The following GDF1 variants were observed in gnomAD, a reference collection of about 807,000 sequenced individuals.
The protein encoded by GDF1 is growth differentiation factor 1.
GDF1 carries 8 observed loss-of-function variants against 7.4 expected under a neutral mutation model. That is an observed-to-expected ratio of 1.09 (90% CI 0.64 to 1.96). The LOEUF is 1.96. Among genes scored for constraint, GDF1 ranks in the 30% most tolerant of loss-of-function variants. The pLI is 0.00. For synonymous variants in GDF1, 311 were observed against 276.7 expected, an observed-to-expected ratio of 1.12 and a Z score of -1.23; for missense variants, 574 against 551.5, an observed-to-expected ratio of 1.04 and a Z score of -0.41.
chr19:18,870,378 G>C lies in GDF1; in HGVS notation c.-71C>G. 1 of 1,523,826 alleles carries C rather than the reference G, an allele frequency of 6.6e-7. No individual in the cohort carries two copies. The highest frequency in any genetic ancestry group is 8.8e-7 in the Non-Finnish European group (1 of 1,132,768). 94.4% of individuals were successfully genotyped at this position (1,523,826 alleles called of 1,614,324 possible). On this transcript the variant is annotated 5_prime_UTR_variant, in exon 7 of 8. Transcript: ENST00000247005. The surrounding 1 kb of genome is among the most constrained non-coding windows in gnomAD (Gnocchi z 5.1). Reference sequence around the variant, plus strand: ...CCCGGGACCAGTGGGCTGAGGGCGGGGCCGGTGTCCCCGGAGGGGCAGGGG... The same window carrying C: ...CCCGGGACCAGTGGGCTGAGGGCGGCGCCGGTGTCCCCGGAGGGGCAGGGG...
intron 7 of GDF1, 71 bp from the exon 8 acceptor site, chr19:18,869,461 CAG>C: frequency 6.7e-7 from 1 of 1,497,068 alleles, no homozygotes; most frequent in South Asian, 1.2e-5. Flanking sequence ...CGGTTAGGGA[CAG>C]GGAGGAAGGT....
Position 18,870,857 on chromosome 19 carries a change from T to G in GDF1, c.-312-238A>C, listed in dbSNP as rs1365838039. Among the ~76,000 whole-genome samples the G allele has an allele frequency of 1.3e-5, 2 of 151,908 alleles. No homozygotes were observed. The highest frequency in any genetic ancestry group is 2.9e-5 in the Non-Finnish European group (2 of 67,938). The stretch of plus-strand genomic sequence containing the variant: ...CCCCTGGCACCCTGGCACTTCCTCC[T>G]TGCTTCCCCCTCTCCAATTAAACCT... On this transcript the variant is annotated intron_variant, in intron 6 of 7. Transcript: ENST00000247005. This position sits in a 1 kb window ranked among gnomAD's most constrained non-coding sequence, Gnocchi z 5.1.
chr19:18,884,318 T>C (rs2146033939), intron 2 of GDF1, 51 bp from the exon 3 acceptor site: 1 of 1,534,504 alleles, frequency 6.5e-7, no homozygotes, highest in Non-Finnish European at 8.8e-7. Context: ...CTCTAGACGA[T>C]CGCCTCCATG....
intron 1 of GDF1, among the ~76,000 whole-genome samples, chr19:18,893,921 C>T (rs1026523223): frequency 1.4e-5 from 2 of 145,078 alleles, no homozygotes; most frequent in African/African-American, 5.2e-5. Context: ...GGGGGTGACC[C>T]TTGAAGGGAA....
At chr19:18,886,283 C>T (rs993560475) in intron 2 of GDF1, among the ~76,000 whole-genome samples, 74 of 152,286 alleles carry the variant, frequency 4.9e-4, no homozygotes, top group African/African-American at 1.5e-3. Flanking sequence ...GGCGCAGTGG[C>T]TCACGCCTGT....
In GDF1 at chr19:18,880,448, C is replaced by T; in HGVS notation, c.-732-13G>A. The stretch of plus-strand genomic sequence containing the variant: ...CACATTGTGGTACCTGGGGGAGCAG[C>T]AGGCAGAGAGGAGAGGGCAGCTCAC... On this transcript the variant is annotated splice_polypyrimidine_tract_variant and intron_variant, in intron 3 of 7. Transcript: ENST00000247005. 1.3e-6 allele frequency: 2 copies of T among 1,573,694 alleles called. No homozygotes were observed.
At chr19:18,890,783 G>GAA (rs35488506) in intron 2 of GDF1, among the ~76,000 whole-genome samples, 29,374 of 99,308 alleles carry the variant, frequency 0.3, 4,569 homozygotes, top group Middle Eastern at 0.46. Context: ...CGCGTCTGGG[G>GAA]AAAAAAAAAA....
chr19:18,879,046 G>A lies in GDF1; in HGVS notation c.-422-7C>T, dbSNP rs1248201850. The A allele has an allele frequency of 6.2e-7, 1 of 1,612,610 alleles. No individual in the cohort carries two copies. The highest frequency in any genetic ancestry group is 8.5e-7 in the Non-Finnish European group (1 of 1,179,674). On this transcript the variant is annotated splice_polypyrimidine_tract_variant and splice_region_variant and intron_variant, in intron 5 of 7. Transcript: ENST00000247005. The stretch of plus-strand genomic sequence containing the variant: ...CTGCAAACGCCACGATGTACTGCGA[G>A]AGGGGAGGGGAGGTGCCAGTGAGAA...
At chr19:18,891,487 G>A (rs773200191) in intron 2 of GDF1, among the ~76,000 whole-genome samples, 2 of 152,152 alleles carry the variant, frequency 1.3e-5, no homozygotes, top group Non-Finnish European at 2.9e-5. Flanking sequence ...CACACAGAGC[G>A]CGCTGCAGTC....
chr19:18,868,726 TC>T lies in GDF1; in HGVS notation c.989del (p.Gly330GlufsTer55). 6.5e-7 allele frequency: 1 copy of T among 1,537,894 alleles called. No homozygotes were observed. Among genetic ancestry groups the T allele is most frequent in the Non-Finnish European group, 8.8e-7 (1 of 1,139,334 alleles). On this transcript the variant is annotated frameshift_variant, in exon 8 of 8. Transcript: ENST00000247005. LOFTEE classifies it low-confidence loss of function (END_TRUNC). Reference sequence around the variant, plus strand: ...GCACGCAGCAGGGCAGGTCGGCGGCTCCCGGGGCGGCCGCGTGCATGAGCGC... The same window carrying T: ...GCACGCAGCAGGGCAGGTCGGCGGCTCCGGGGCGGCCGCGTGCATGAGCGC... ...LRALMHAAAP[G>X]AADLPCCVPA...
At chr19:18,892,538 C>T (rs1040338049) in intron 2 of GDF1, among the ~76,000 whole-genome samples, 74 of 152,108 alleles carry the variant, frequency 4.9e-4, no homozygotes, top group Non-Finnish European at 6.0e-4. Flanking sequence ...GGCGTGAACC[C>T]AGGAGGCGGA....
At chr19:18,874,543 G>A (rs1416708370) in intron 6 of GDF1, among the ~76,000 whole-genome samples, 2 of 152,234 alleles carry the variant, frequency 1.3e-5, no homozygotes, top group Non-Finnish European at 2.9e-5. Context: ...AGCATTGAGT[G>A]CAGGTCACCA....
In GDF1 at chr19:18,878,923, C is replaced by T. The variant is rs751860671; in HGVS notation, c.-313+7G>A. ...GGAACGCGGGGTGCGGGCCCCTCCA[C>T]ACTCACTCGGCTTTGCTGGGCTTCA... On this transcript the variant is annotated splice_region_variant and intron_variant, in intron 6 of 7. Coordinates refer to ENST00000247005, the MANE Select transcript of GDF1 (RefSeq NM_001492.6). This position sits in a 1 kb window ranked among gnomAD's most constrained non-coding sequence, Gnocchi z 4.6. 2 of 1,613,434 alleles carry T rather than the reference C, an allele frequency of 1.2e-6. No homozygotes were observed. Among genetic ancestry groups the T allele is most frequent in the East Asian group, 2.2e-5 (1 of 44,872 alleles).
chr19:18,891,980 G>A (rs561284866), intron 2 of GDF1, among the ~76,000 whole-genome samples: 1 of 149,212 alleles, frequency 6.7e-6, no homozygotes, highest in South Asian at 2.1e-4. Flanking sequence ...TGCAACCTCC[G>A]CCTCCCGGGT....
Position 18,895,827 on chromosome 19 carries a change from A to T in GDF1, c.-1077T>A. 3.1e-6 allele frequency: 4 copies of T among 1,279,256 alleles called. No homozygotes were observed. Among genetic ancestry groups the T allele is most frequent in the Non-Finnish European group, 4.0e-6 (4 of 1,011,306 alleles). 79.2% of individuals were successfully genotyped at this position (1,279,256 alleles called of 1,614,324 possible). A position where few individuals can be genotyped will look rare whatever the true frequency, so the allele number is the denominator to read the frequency against. On this transcript the variant is annotated 5_prime_UTR_variant, in exon 1 of 8. Coordinates refer to ENST00000247005, the MANE Select transcript of GDF1 (RefSeq NM_001492.6). The surrounding 1 kb of genome is among the most constrained non-coding windows in gnomAD (Gnocchi z 6.4). ...CCCGGCCCCCGGCCACACTGACCCG[A>T]AAGAGGCGCGCAGTGGCCGCGGAGC... is the stretch of plus-strand genomic sequence containing the variant.
At chr19:18,891,596 C>T (rs1243042484) in intron 2 of GDF1, among the ~76,000 whole-genome samples, 1 of 152,094 alleles carries the variant, frequency 6.6e-6, no homozygotes, top group Non-Finnish European at 1.5e-5. Context: ...CCCCAACCCC[C>T]AGGCAGGGTC....
chr19:18,896,029 G>A lies in GDF1; in HGVS notation c.-1279C>T, dbSNP rs1489329595. 1 of 997,140 alleles carries A rather than the reference G, an allele frequency of 1.0e-6. No individual in the cohort carries two copies. Among genetic ancestry groups the A allele is most frequent in the South Asian group, 4.4e-5 (1 of 22,866 alleles). 61.8% of individuals were successfully genotyped at this position (997,140 alleles called of 1,614,324 possible). A position where few individuals can be genotyped will look rare whatever the true frequency, so the allele number is the denominator to read the frequency against. On this transcript the variant is annotated 5_prime_UTR_variant, in exon 1 of 8. Transcript: ENST00000247005. The surrounding 1 kb of genome is among the most constrained non-coding windows in gnomAD (Gnocchi z 5.9). ...CACTAGCTGCGCGTAGCTCGGCATG[G>A]GCTCGGGCCCCGTCGGCCCCGCCGC... is the stretch of plus-strand genomic sequence containing the variant.
intron 2 of GDF1, among the ~76,000 whole-genome samples, chr19:18,892,013 C>A (rs988842978): frequency 1.3e-5 from 2 of 151,978 alleles, no homozygotes; most frequent in African/African-American, 4.8e-5. Context: ...CCTGACTCAG[C>A]CTCCCAAGTA....
chr19:18,886,198 G>C (rs1382332748), intron 2 of GDF1, among the ~76,000 whole-genome samples: 1 of 150,814 alleles, frequency 6.6e-6, no homozygotes, highest in African/African-American at 2.5e-5. Flanking sequence ...TTGAGTCCAG[G>C]AGTTCGAGAC....
Sources: gnomAD v4.1 joint callset for allele counts (sites outside exome capture counted in the v4.1 genomes callset) on GRCh38, gnomAD v4.1.1 for gene constraint, Gnocchi (gnomAD v3.1) non-coding constraint, MANE v1.5 for transcripts, NCBI Gene and HGNC (gene_info 2026-07-23, HGNC 2026-07-21) for gene names.